The following FGF12 variants were observed in gnomAD, a reference collection of about 807,000 sequenced individuals.
The protein encoded by FGF12 is fibroblast growth factor 12B.
In FGF12, 14 loss-of-function variants were observed where a neutral mutation model predicts 23.6. The observed-to-expected ratio is 0.59, with a 90% CI of 0.39 to 0.93. The LOEUF is 0.93. Ranked by LOEUF, FGF12 falls within the 40% of genes least tolerant of loss-of-function variation. The pLI is 0.00. For synonymous variants in FGF12, 62 were observed against 77.3 expected (o/e 0.80, Z 1.04); for missense variants, 175 against 217.8 (o/e 0.80, Z 1.24).
intron 3 of FGF12, among the ~76,000 whole-genome samples, chr3:192,337,527 A>G (rs1264727192): frequency 2.6e-5 from 4 of 152,198 alleles, no homozygotes; most frequent in Non-Finnish European, 5.9e-5. Context: ...ACTTTACCAA[A>G]TAGGCAACAA....
chr3:192,279,922 T>C (rs1560049267), intron 4 of FGF12, among the ~76,000 whole-genome samples: 1 of 152,216 alleles, frequency 6.6e-6, no homozygotes. Flanking sequence ...GCATATTAAA[T>C]TATGCAAACA....
Position 192,336,108 on chromosome 3 carries a change from T to TACACACACACACAC in FGF12, c.125-658_125-645dup, listed in dbSNP as rs34991386. Among the ~76,000 whole-genome samples, 68 of 144,046 alleles carry TACACACACACACAC rather than the reference T, an allele frequency of 4.7e-4. No individual in the cohort carries two copies. Among genetic ancestry groups the TACACACACACACAC allele is most frequent in the African/African-American group, 1.6e-3 (61 of 38,960 alleles). The allele number at this position is 144,046 out of a possible 152,430, so 94.5% of individuals were successfully genotyped here. ...ATATATTTTATATCCAGGTGGGAAA[T>TACACACACACACAC]ACACACACACACACACACACACACA... is the stretch of plus-strand genomic sequence containing the variant. On this transcript the variant is annotated intron_variant, in intron 3 of 5. Transcript: ENST00000445105. This position sits in a 1 kb window ranked among gnomAD's most constrained non-coding sequence, Gnocchi z 4.3.
intron 2 of FGF12, among the ~76,000 whole-genome samples, chr3:192,384,756 C>T (rs751732773): frequency 2.0e-5 from 3 of 152,248 alleles, no homozygotes; most frequent in Non-Finnish European, 2.9e-5. Context: ...TTTCAGGCTC[C>T]GGGGGTGACA....
intron 2 of FGF12, among the ~76,000 whole-genome samples, chr3:192,383,222 G>C (rs1719900933): frequency 6.6e-6 from 1 of 152,152 alleles, no homozygotes; most frequent in African/African-American, 2.4e-5. Context: ...ACTTTTCTGA[G>C]CTAATGAACA....
chr3:192,517,799 G>T (rs1262385826), intron 2 of FGF12, among the ~76,000 whole-genome samples: 1 of 152,000 alleles, frequency 6.6e-6, no homozygotes, highest in Non-Finnish European at 1.5e-5. Flanking sequence ...TTTAAAAAAG[G>T]CTCTTACACT....
intron 4 of FGF12, among the ~76,000 whole-genome samples, chr3:192,316,926 A>G (rs2108678233): frequency 6.6e-6 from 1 of 152,280 alleles, no homozygotes; most frequent in East Asian, 1.9e-4. Flanking sequence ...AGAATAGAGC[A>G]CCAGTCATGA....
chr3:192,465,266 C>G (rs181587253), intron 2 of FGF12, among the ~76,000 whole-genome samples: 5 of 152,232 alleles, frequency 3.3e-5, no homozygotes, highest in East Asian at 1.9e-4. Context: ...AAAGAAATAG[C>G]CTGGCAACAG....
At chr3:192,393,934 G>A (rs1720411923) in intron 2 of FGF12, among the ~76,000 whole-genome samples, 1 of 152,094 alleles carries the variant, frequency 6.6e-6, no homozygotes. Flanking sequence ...TCCCAAGTCT[G>A]GGAAATCTAA....
intron 2 of FGF12, among the ~76,000 whole-genome samples, chr3:192,586,773 T>A (rs1713390235): frequency 6.6e-6 from 1 of 152,150 alleles, no homozygotes; most frequent in Non-Finnish European, 1.5e-5. Context: ...GCCATAGAGA[T>A]CCATTTGTTT....
intron 2 of FGF12, among the ~76,000 whole-genome samples, chr3:192,654,386 G>C (rs532219084): frequency 2.6e-5 from 4 of 151,178 alleles, no homozygotes; most frequent in African/African-American, 9.7e-5. Context: ...CTGTTGCCAA[G>C]AATGGCTAAA....
At chr3:192,189,347 T>G (rs572211937) in intron 4 of FGF12, among the ~76,000 whole-genome samples, 16 of 152,284 alleles carry the variant, frequency 1.1e-4, no homozygotes, top group Admixed American at 3.3e-4. Flanking sequence ...ACAGAGAAAT[T>G]TGACCTCTCC....
chr3:192,609,910 T>G (rs1374540016), intron 2 of FGF12, among the ~76,000 whole-genome samples: 5 of 152,068 alleles, frequency 3.3e-5, no homozygotes, highest in African/African-American at 9.7e-5. Flanking sequence ...TAAAATATAA[T>G]TTGATTTGTA....
chr3:192,712,273 AC>A (rs1718713624), intron 2 of FGF12, among the ~76,000 whole-genome samples: 1 of 151,824 alleles, frequency 6.6e-6, no homozygotes. Flanking sequence ...GAACAAAACA[AC>A]AATAACAAAA....
At chr3:192,716,220 C>G (rs1311222652) in intron 2 of FGF12, among the ~76,000 whole-genome samples, 1 of 152,164 alleles carries the variant, frequency 6.6e-6, no homozygotes, top group East Asian at 1.9e-4. Flanking sequence ...GCCCAGTGAT[C>G]TGTGTTTTTG....
chr3:192,686,485 A>G (rs1233393438), intron 2 of FGF12, among the ~76,000 whole-genome samples: 1 of 152,132 alleles, frequency 6.6e-6, no homozygotes, highest in Non-Finnish European at 1.5e-5. Context: ...CACCGACCTC[A>G]TGCCCCGGTT....
intron 4 of FGF12, among the ~76,000 whole-genome samples, chr3:192,253,898 T>A (rs1196836791): frequency 6.6e-6 from 1 of 152,088 alleles, no homozygotes; most frequent in African/African-American, 2.4e-5. Context: ...TAAAAATTAA[T>A]TAACTTTAAC....
chr3:192,716,065 G>A (rs1718855871), intron 2 of FGF12, among the ~76,000 whole-genome samples: 1 of 152,212 alleles, frequency 6.6e-6, no homozygotes, highest in Non-Finnish European at 1.5e-5. Flanking sequence ...CCAAGTGCAA[G>A]AGAATCTTAG....
At chr3:192,327,016 A>C (rs1188997502) in intron 4 of FGF12, among the ~76,000 whole-genome samples, 1 of 152,214 alleles carries the variant, frequency 6.6e-6, no homozygotes, top group Non-Finnish European at 1.5e-5. Context: ...GGCCAAGAGC[A>C]GTATGGTATT....
intron 2 of FGF12, among the ~76,000 whole-genome samples, chr3:192,423,810 C>A (rs1356512073): frequency 6.6e-6 from 1 of 152,096 alleles, no homozygotes; most frequent in East Asian, 1.9e-4. Flanking sequence ...CTAACAAAAG[C>A]TAGTAGGTAC....
Sources: gnomAD v4.1 joint callset for allele counts (sites outside exome capture counted in the v4.1 genomes callset) on GRCh38, gnomAD v4.1.1 for gene constraint, Gnocchi (gnomAD v3.1) non-coding constraint, MANE v1.5 for transcripts, NCBI Gene and HGNC (gene_info 2026-07-23, HGNC 2026-07-21) for gene names.